Variants in SAMD12 observed in about 807,000 individuals in gnomAD.
SAMD12 encodes sterile alpha motif domain-containing protein 12.
In SAMD12, 9 loss-of-function variants were observed where a neutral mutation model predicts 15.0. That is an observed-to-expected ratio of 0.60 (90% CI 0.36 to 1.05). SAMD12 has a LOEUF of 1.05. Ranked by LOEUF, SAMD12 falls within the 50% of genes least tolerant of loss-of-function variation. SAMD12 has a pLI of 0.01. For synonymous variants in SAMD12, 86 were observed against 90.1 expected (o/e 0.96, Z 0.25); for missense variants, 230 against 234.2 (o/e 0.98, Z 0.12).
At chr8:118,591,939 T>G (rs1215707144) in intron 1 of SAMD12, among the ~76,000 whole-genome samples, 1 of 152,170 alleles carries the variant, frequency 6.6e-6, no homozygotes, top group Non-Finnish European at 1.5e-5. Context: ...AAAGGACTTT[T>G]CATCCTCTAA....
At chr8:118,546,135 T>G (rs1324452346) in intron 2 of SAMD12, among the ~76,000 whole-genome samples, 3 of 151,994 alleles carry the variant, frequency 2.0e-5, no homozygotes, top group Non-Finnish European at 4.4e-5. Flanking sequence ...AACCCAGGTG[T>G]GATGAGAAGA....
the SAMD12 span, among the ~76,000 whole-genome samples, chr8:118,139,184 C>G: frequency 0.28 from 41,778 of 150,266 alleles, 6,276 homozygotes; most frequent in South Asian, 0.37. Flanking sequence ...GAAGTCAGAC[C>G]AGAGATTGGT....
chr8:118,546,170 T>C (rs1254288378), intron 2 of SAMD12, among the ~76,000 whole-genome samples: 4 of 152,110 alleles, frequency 2.6e-5, no homozygotes, highest in East Asian at 1.9e-4. Context: ...TATCAGAGAA[T>C]AGAATAAGGG....
chr8:118,396,135 A>T (rs1820553666), intron 3 of SAMD12, among the ~76,000 whole-genome samples: 1 of 152,078 alleles, frequency 6.6e-6, no homozygotes, highest in Non-Finnish European at 1.5e-5. Context: ...GAGTAAAGAG[A>T]CCTGAACTTG....
chr8:118,304,362 C>A (rs912315011), intron 4 of SAMD12, among the ~76,000 whole-genome samples: 1 of 152,172 alleles, frequency 6.6e-6, no homozygotes, highest in African/African-American at 2.4e-5. Context: ...GTCTTTTGAT[C>A]CCACTGTTTT....
intron 4 of SAMD12, among the ~76,000 whole-genome samples, chr8:118,260,186 C>T (rs1036065112): frequency 6.6e-6 from 1 of 152,110 alleles, no homozygotes; most frequent in Admixed American, 6.6e-5. Context: ...TACCTGTGTT[C>T]CATATACCTT....
intron 4 of SAMD12, among the ~76,000 whole-genome samples, chr8:118,372,015 T>C (rs1819127741): frequency 6.6e-6 from 1 of 152,166 alleles, no homozygotes; most frequent in South Asian, 2.1e-4. Flanking sequence ...AGAACTGTGT[T>C]GAAGAGAACT....
the SAMD12 span, among the ~76,000 whole-genome samples, chr8:118,164,071 G>T: frequency 6.6e-6 from 1 of 152,138 alleles, no homozygotes; most frequent in Non-Finnish European, 1.5e-5. Context: ...GGAAGAAGAG[G>T]AGGAGGACAA....
In SAMD12 at chr8:118,551,682, A is replaced by G. The variant is rs1305589237; in HGVS notation, c.192+29033T>C. Among the ~76,000 whole-genome samples, 5 of 150,428 alleles carry G rather than the reference A, an allele frequency of 3.3e-5. No individual in the cohort carries two copies. In the East Asian group the frequency reaches 7.8e-4, roughly 23 times the overall value. On this transcript the variant is annotated intron_variant, in intron 2 of 3. Transcript: ENST00000314727. ...GGCAAGAAATAACTAAAATCAGAGC[A>G]GAACTGAAGGAAATAGAGACACAAA...
At chr8:118,227,212 G>T (rs977205684) in intron 4 of SAMD12, among the ~76,000 whole-genome samples, 2 of 152,118 alleles carry the variant, frequency 1.3e-5, no homozygotes, top group African/African-American at 4.8e-5. Context: ...CATGTCTTTT[G>T]TGAGAACATA....
intron 4 of SAMD12, among the ~76,000 whole-genome samples, chr8:118,287,155 C>T (rs1396828392): frequency 2.1e-5 from 3 of 145,078 alleles, no homozygotes; most frequent in African/African-American, 7.9e-5. Context: ...GACGGAGTCT[C>T]GCTCTTTCGC....
In SAMD12 at chr8:118,281,401, G is replaced by C. The variant is rs574196925; in HGVS notation, c.434-83669C>G. ...CGAGGGCCTGGAATGCAGATGCCATGAGACAGTGACTGTTTCCTTCTGGCT... is the reference window on the plus strand; with the variant it reads ...CGAGGGCCTGGAATGCAGATGCCATCAGACAGTGACTGTTTCCTTCTGGCT... On this transcript the variant is annotated intron_variant, in intron 4 of 4. Transcript: ENST00000409003. Among the ~76,000 whole-genome samples, 11 of 152,262 alleles carry C rather than the reference G, an allele frequency of 7.2e-5. No homozygotes were observed. In the South Asian group the frequency reaches 2.3e-3, roughly 32 times the overall value.
In SAMD12 at chr8:118,478,843, T is replaced by C. The variant is rs186574680; in HGVS notation, c.193-38882A>G. Among the ~76,000 whole-genome samples, 16 of 152,254 alleles carry C rather than the reference T, an allele frequency of 1.1e-4. No homozygotes were observed. In the East Asian group the frequency reaches 2.9e-3, roughly 28 times the overall value. On this transcript the variant is annotated intron_variant, in intron 2 of 3. Coordinates refer to ENST00000314727, the MANE Select transcript of SAMD12 (RefSeq NM_207506.3). ...GTGAGTGGGAGCTCCAGGAACTCAT[T>C]AGAGAAGAGCTGACACTCCATTATT...
At chr8:118,517,705 A>G (rs781427307) in intron 2 of SAMD12, among the ~76,000 whole-genome samples, 17 of 152,208 alleles carry the variant, frequency 1.1e-4, no homozygotes, top group Non-Finnish European at 1.5e-4. Context: ...CAAAGGCAAT[A>G]TGACCTGGAG....
chr8:118,619,954 A>C (rs1828349295), intron 1 of SAMD12, among the ~76,000 whole-genome samples: 1 of 152,210 alleles, frequency 6.6e-6, no homozygotes. Context: ...AGTTTAAAAT[A>C]CTTCCTTCAT....
the SAMD12 span, among the ~76,000 whole-genome samples, chr8:118,170,936 G>A: frequency 3.3e-5 from 5 of 152,124 alleles, no homozygotes; most frequent in African/African-American, 9.7e-5. Context: ...TCTGATAAGG[G>A]ACTTGTATTC....
chr8:118,282,582 C>T (rs1371581102), intron 4 of SAMD12, among the ~76,000 whole-genome samples: 5 of 151,920 alleles, frequency 3.3e-5, no homozygotes, highest in African/African-American at 1.2e-4. Flanking sequence ...TATAGGGGGG[C>T]TGGGGTGGTG....
chr8:118,230,143 A>G (rs1366091948), intron 4 of SAMD12, among the ~76,000 whole-genome samples: 2 of 152,164 alleles, frequency 1.3e-5, no homozygotes, highest in Non-Finnish European at 2.9e-5. Flanking sequence ...AATAGGAGCC[A>G]ACGTTTAATG....
intron 4 of SAMD12, among the ~76,000 whole-genome samples, chr8:118,249,004 A>G (rs1812760836): frequency 1.3e-5 from 2 of 152,152 alleles, no homozygotes; most frequent in Non-Finnish European, 2.9e-5. Context: ...GGATCCCAAA[A>G]TCTGTGAATG....
Sources: allele counts gnomAD v4.1 joint callset (sites outside exome capture counted in the v4.1 genomes callset), GRCh38; gene constraint gnomAD v4.1.1; transcripts MANE v1.5; gene names NCBI Gene and HGNC (gene_info 2026-07-23, HGNC 2026-07-21).